PRKAG2: variants seen among roughly 807,000 people sequenced by gnomAD.
PRKAG2 encodes the protein protein kinase AMP-activated non-catalytic subunit gamma 2.
In PRKAG2, 26 loss-of-function variants were observed where a neutral mutation model predicts 69.6. The observed-to-expected ratio is 0.37, with a 90% CI of 0.27 to 0.52. The LOEUF (loss-of-function observed/expected upper bound fraction) is 0.52, where lower values mean the gene tolerates loss of function less well. Among genes scored for constraint, PRKAG2 ranks in the 20% least tolerant of loss-of-function variants. PRKAG2 has a pLI of 0.90. For missense variants in PRKAG2, 557 were observed against 740.0 expected, an observed-to-expected ratio of 0.75 and a Z score of 2.87; for synonymous variants, 293 against 285.0, an observed-to-expected ratio of 1.03 and a Z score of -0.28.
Position 151,861,277 on chromosome 7 carries a change from T to A in PRKAG2, c.114+15230A>T, listed in dbSNP as rs183660768. Among the ~76,000 whole-genome samples the A allele has an allele frequency of 8.5e-5, 13 of 152,246 alleles. No individual in the cohort carries two copies. The East Asian group carries it at 2.5e-3, about 29-fold the overall frequency. On this transcript the variant is annotated intron_variant, in intron 1 of 15. Transcript: ENST00000287878. Reference sequence around the variant, plus strand: ...CGGGCATGGTAGCTCATGCCTGTAATCCCAGCACTTTGGGAGGCTGAGGCG... The same window carrying A: ...CGGGCATGGTAGCTCATGCCTGTAAACCCAGCACTTTGGGAGGCTGAGGCG...
chr7:151,596,235 A>G (rs1814486696), intron 5 of PRKAG2, among the ~76,000 whole-genome samples: 1 of 152,200 alleles, frequency 6.6e-6, no homozygotes, highest in South Asian at 2.1e-4. Context: ...TAATGACTCC[A>G]TCAAGAAACT....
intron 5 of PRKAG2, among the ~76,000 whole-genome samples, chr7:151,603,371 T>C (rs1816661978): frequency 2.1e-5 from 1 of 47,330 alleles, no homozygotes; most frequent in Non-Finnish European, 3.6e-5. Flanking sequence ...ACCCGCTCCG[T>C]CCTCACCGCA....
In PRKAG2 at chr7:151,814,143, C is replaced by T. The variant is rs1005332109; in HGVS notation, c.115-27602G>A. Among the ~76,000 whole-genome samples the T allele has an allele frequency of 1.3e-5, 2 of 152,146 alleles. No homozygotes were observed. The highest frequency in any genetic ancestry group is 2.9e-5 in the Non-Finnish European group (2 of 68,030). On this transcript the variant is annotated intron_variant, in intron 1 of 15. Coordinates refer to ENST00000287878, the MANE Select transcript of PRKAG2 (RefSeq NM_016203.4). The surrounding 1 kb of genome is among the most constrained non-coding windows in gnomAD (Gnocchi z 4.8). ...ACTCAGAGAGGAATGGAGCTGAACA[C>T]GCCCACACACATACCACCTTCACTA...
chr7:151,609,419 C>T (rs1204708588), intron 5 of PRKAG2, among the ~76,000 whole-genome samples: 1 of 152,130 alleles, frequency 6.6e-6, no homozygotes, highest in Non-Finnish European at 1.5e-5. Context: ...GGCAAAAATA[C>T]TAAAGGATAA....
At chr7:151,840,691 G>A (rs1191754377) in intron 1 of PRKAG2, among the ~76,000 whole-genome samples, 5 of 152,282 alleles carry the variant, frequency 3.3e-5, no homozygotes, top group Middle Eastern at 3.4e-3. Context: ...TGAACCCCCC[G>A]GACCTCCGTC....
intron 2 of PRKAG2, among the ~76,000 whole-genome samples, chr7:151,785,576 G>C (rs2076963116): frequency 6.6e-6 from 1 of 152,232 alleles, no homozygotes; most frequent in African/African-American, 2.4e-5. Flanking sequence ...GAGGAGATTT[G>C]CTTTTTCCAG....
chr7:151,587,150 A>G (rs935692783), intron 6 of PRKAG2, among the ~76,000 whole-genome samples: 4 of 152,194 alleles, frequency 2.6e-5, no homozygotes, highest in Non-Finnish European at 5.9e-5. Flanking sequence ...CAAAAGAAAA[A>G]ATAGTGCTTG....
At chr7:151,875,199 T>C (rs941605989) in intron 1 of PRKAG2, among the ~76,000 whole-genome samples, 1 of 152,236 alleles carries the variant, frequency 6.6e-6, no homozygotes, top group Non-Finnish European at 1.5e-5. Context: ...GGTCCAAGTT[T>C]CCAGCCCCAG....
Position 151,777,675 on chromosome 7 carries a change from T to C in PRKAG2, c.466+3477A>G, listed in dbSNP as rs562069233. Among the ~76,000 whole-genome samples, 21 of 152,332 alleles carry C rather than the reference T, an allele frequency of 1.4e-4. No individual in the cohort carries two copies. The South Asian group carries it at 4.4e-3, about 32-fold the overall frequency. ...CCAGCCTGGCCCACTCCATCCTGCA[T>C]CCAGCCTCACAGGCTGGCTGGCTTT... On this transcript the variant is annotated intron_variant, in intron 3 of 15. Coordinates refer to ENST00000287878, the MANE Select transcript of PRKAG2 (RefSeq NM_016203.4). The surrounding 1 kb of genome is among the most constrained non-coding windows in gnomAD (Gnocchi z 4.3).
intron 2 of PRKAG2, among the ~76,000 whole-genome samples, chr7:151,782,367 G>A (rs71541703): frequency 0.06 from 1,565 of 25,982 alleles, 92 homozygotes; most frequent in African/African-American, 0.095. Context: ...GAGGGAGGGA[G>A]GGAGGGAAGG....
rs555724312 is a variant in PRKAG2 at position 151,611,793 on chromosome 7, C to T, written c.755-16339G>A. Among the ~76,000 whole-genome samples the T allele has an allele frequency of 3.9e-5, 6 of 152,264 alleles. No homozygotes were observed. In the South Asian group the frequency reaches 1.2e-3, roughly 32 times the overall value. ...CTCGGGCCGGGCACGGTGGCCCATA[C>T]CTGTAATCCCAGCACTTTGGGAGGA... On this transcript the variant is annotated intron_variant, in intron 5 of 15. Transcript: ENST00000287878.
intron 10 of PRKAG2, 103 bp downstream of exon 10, chr7:151,570,068 G>T (rs1807187727): frequency 7.3e-7 from 1 of 1,375,900 alleles, no homozygotes; most frequent in Non-Finnish European, 1.0e-6. Flanking sequence ...GGCAGGCCCT[G>T]TTTGGAATGA....
chr7:151,675,084 CT>C (rs543730210), intron 4 of PRKAG2: 193 of 361,244 alleles, frequency 5.3e-4, no homozygotes, highest in African/African-American at 3.9e-3. Context: ...CCACACCCAG[CT>C]AATTTTTGCA....
intron 14 of PRKAG2, among the ~76,000 whole-genome samples, chr7:151,562,077 T>A (rs1805123675): frequency 6.6e-6 from 1 of 150,924 alleles, no homozygotes; most frequent in Admixed American, 6.6e-5. Flanking sequence ...AAACCCCGTC[T>A]CTACCAAAAC....
Position 151,763,257 on chromosome 7 carries a change from TA to T in PRKAG2, c.466+17894del, listed in dbSNP as rs1330582009. On this transcript the variant is annotated intron_variant, in intron 3 of 15. Coordinates refer to ENST00000287878, the MANE Select transcript of PRKAG2 (RefSeq NM_016203.4). ...GACGCAGCCAAGGCAGGTCTCACGC[TA>T]AGGCGGGTCTCCTGCTGTCCTGCTC... Among the ~76,000 whole-genome samples, 6 of 152,372 alleles carry T rather than the reference TA, an allele frequency of 3.9e-5. 1 individual carries two copies. Among genetic ancestry groups the T allele is most frequent in the African/African-American group, 1.4e-4 (6 of 41,596 alleles).
chr7:151,723,231 C>T (rs541941777), intron 3 of PRKAG2, among the ~76,000 whole-genome samples: 5 of 152,126 alleles, frequency 3.3e-5, no homozygotes, highest in East Asian at 3.8e-4. Flanking sequence ...TGGGGAAGAA[C>T]GGGAGAGAGG....
intron 4 of PRKAG2, among the ~76,000 whole-genome samples, chr7:151,663,635 C>T (rs757609670): frequency 4.6e-5 from 7 of 152,228 alleles, no homozygotes; most frequent in Non-Finnish European, 7.3e-5. Context: ...GCTGGGATTA[C>T]AGGCGTAAGC....
intron 15 of PRKAG2, chr7:151,559,284 A>G: frequency 1.0e-6 from 1 of 981,486 alleles, no homozygotes; most frequent in Non-Finnish European, 1.2e-6. Context: ...CAATTTATCC[A>G]TTCTTCTTTT....
At chr7:151,813,241 C>A (rs1051492800) in intron 1 of PRKAG2, among the ~76,000 whole-genome samples, 11 of 152,298 alleles carry the variant, frequency 7.2e-5, no homozygotes, top group African/African-American at 2.6e-4. Context: ...TAGGCCTCTC[C>A]CCATCTTCCA....
Sources: gnomAD v4.1 joint callset for allele counts (sites outside exome capture counted in the v4.1 genomes callset) on GRCh38, gnomAD v4.1.1 for gene constraint, Gnocchi (gnomAD v3.1) non-coding constraint, MANE v1.5 for transcripts, NCBI Gene and HGNC (gene_info 2026-07-23, HGNC 2026-07-21) for gene names.